INF2: variants seen among roughly 807,000 people sequenced by gnomAD.
The protein encoded by INF2 is inverted formin 2, also known as inverted formin-2.
In INF2, 43 loss-of-function variants were observed where a neutral mutation model predicts 123.5. The ratio of observed to expected loss-of-function variants is 0.35; its 90% CI spans 0.27 to 0.45. INF2 has a LOEUF of 0.45. Ranked by LOEUF, INF2 falls within the 20% of genes least tolerant of loss-of-function variation. The pLI, the probability that INF2 is intolerant of heterozygous loss-of-function variation, is 1.00. For missense variants in INF2, 1,453 were observed against 1,682.7 expected, an observed-to-expected ratio of 0.86 and a Z score of 2.39; for synonymous variants, 851 against 745.0, an observed-to-expected ratio of 1.14 and a Z score of -2.32.
In INF2 at chr14:104,701,306, G is replaced by A. The variant is rs1407473975; in HGVS notation, c.-9-51G>A. 2.6e-6 allele frequency: 4 copies of A among 1,530,502 alleles called. No individual in the cohort carries two copies. The Admixed American group carries it at 7.9e-5, about 30-fold the overall frequency. 94.8% of individuals were successfully genotyped at this position (1,530,502 alleles called of 1,614,324 possible). A position where few individuals can be genotyped will look rare whatever the true frequency, so the allele number is the denominator to read the frequency against. On this transcript the variant is annotated intron_variant, in intron 1 of 22. Coordinates refer to ENST00000392634, the MANE Select transcript of INF2 (RefSeq NM_022489.4). ...GCCCCGCCTGCGCTGGTGGCCAGGA[G>A]GACAGCCCCCATCCCCTCCCCGCTG...
In INF2 at chr14:104,691,534, C is replaced by G. The variant is rs538868833; in HGVS notation, c.-10+1795C>G. Among the ~76,000 whole-genome samples, 12 of 152,256 alleles carry G rather than the reference C, an allele frequency of 7.9e-5. No homozygotes were observed. The South Asian group carries it at 2.5e-3, about 32-fold the overall frequency. On this transcript the variant is annotated intron_variant, in intron 1 of 22. Coordinates refer to ENST00000392634, the MANE Select transcript of INF2 (RefSeq NM_022489.4). ...GTCTGATAGGTGTGTGGTTCATGGC[C>G]CAGTGGACACATTACATTGGAGAAG...
At chr14:104,712,304 G>A (rs1400693563) in intron 16 of INF2, 129 bp from the exon 17 acceptor site, 12 of 1,257,422 alleles carry the variant, frequency 9.5e-6, no homozygotes, top group African/African-American at 3.0e-5. Flanking sequence ...AACACTGCAC[G>A]TGCAGCCTCA....
In INF2 at chr14:104,706,998, T is replaced by C; in HGVS notation, c.932T>C (p.Leu311Pro). 1 of 1,597,042 alleles carries C rather than the reference T, an allele frequency of 6.3e-7. No individual in the cohort carries two copies. Among genetic ancestry groups the C allele is most frequent in the Non-Finnish European group, 8.5e-7 (1 of 1,178,164 alleles). ...LEPTLRSSQLLWEALESLVNR... is the reference protein window; with the variant it reads ...LEPTLRSSQLPWEALESLVNR... ...CCCACCCTCCGCTCCAGCCAGCTGC[T>C]CTGGGAGGCCCTGGAGAGCCTCGTG... The change falls in exon 7 of 23, where the codon CTC becomes CCC. Residue 311 changes from leucine to proline, a missense_variant. Leu to Pro is a moderately conservative substitution (Grantham distance 98). Coordinates refer to ENST00000392634, the MANE Select transcript of INF2 (RefSeq NM_022489.4).
rs1271047216 is a variant in INF2 at position 104,709,341 on chromosome 14, G to A, written c.2010G>A (p.Glu670=). The part of the protein sequence containing the change: ...RAGDTTKFDV[E]VLKQLLKLLP... ...GAGATACCACCAAGTTTGATGTGGA[G>A]GTTCTCAAACAACTCCTTAAGCTCC... The change falls in exon 11 of 23, where the codon GAG becomes GAA. Residue 670 remains glutamate, a synonymous_variant. Transcript: ENST00000392634. 4 of 1,613,140 alleles carry A rather than the reference G, an allele frequency of 2.5e-6. No individual in the cohort carries two copies. The highest frequency in any genetic ancestry group is 3.4e-6 in the Non-Finnish European group (4 of 1,179,830).
In INF2 at chr14:104,713,040, C is replaced by G. The variant is rs768558410; in HGVS notation, c.2775+48C>G. On this transcript the variant is annotated intron_variant, in intron 18 of 22. Coordinates refer to ENST00000392634, the MANE Select transcript of INF2 (RefSeq NM_022489.4). ...AGCCTGTCTGGCTAGAGTGGGGTCCCGAGGCCCCTGGCCTTCCTCCGGCAG... is the reference window on the plus strand; with the variant it reads ...AGCCTGTCTGGCTAGAGTGGGGTCCGGAGGCCCCTGGCCTTCCTCCGGCAG... The G allele has an allele frequency of 1.2e-5, 19 of 1,610,172 alleles. No homozygotes were observed. In the East Asian group the frequency reaches 4.2e-4, roughly 36 times the overall value.
chr14:104,708,754 C>A, intron 10 of INF2, 22 bp downstream of exon 10: 2 of 1,611,686 alleles, frequency 1.2e-6, no homozygotes, highest in Non-Finnish European at 1.7e-6. Context: ...AGGTAGCCCC[C>A]ATCCCAGGCC....
rs368993196 is a variant in INF2, at chr14:104,703,450, T to C, written c.663T>C (p.Phe221=). 1.9e-6 allele frequency: 3 copies of C among 1,611,732 alleles called. No individual in the cohort carries two copies. Among genetic ancestry groups the C allele is most frequent in the Non-Finnish European group, 2.5e-6 (3 of 1,179,880 alleles). Residue 221 remains phenylalanine (F), a synonymous_variant, in exon 4 of 23, where the codon TTT becomes TTC. Coordinates refer to ENST00000392634, the MANE Select transcript of INF2 (RefSeq NM_022489.4). ...LRARTQLRNE[F]IGLQLLDVLA... ...CGCGCACCCAGCTGCGGAACGAGTT[T>C]ATCGGTAAGCACCTGCCCTGGGCCG...
At chr14:104,718,129 T>C (rs560077327) in intron 22 of INF2, among the ~76,000 whole-genome samples, 38 of 152,256 alleles carry the variant, frequency 2.5e-4, no homozygotes, top group Non-Finnish European at 5.0e-4. Flanking sequence ...TTTTGGATAG[T>C]TTTTGTTTTC....
chr14:104,705,906 G>A, intron 5 of INF2, 129 bp from the exon 6 acceptor site: 1 of 1,163,364 alleles, frequency 8.6e-7, no homozygotes, highest in Non-Finnish European at 1.2e-6. Context: ...AGCCACAGCT[G>A]GCTATGGCCT....
At chr14:104,715,225 G>T (rs370101076) in intron 21 of INF2, 59 bp from the exon 22 acceptor site, 1 of 1,553,944 alleles carries the variant, frequency 6.4e-7, no homozygotes, top group African/African-American at 1.4e-5. Context: ...CACCCACTCC[G>T]AGTCAGGGTT....
intron 8 of INF2, 104 bp from the exon 9 acceptor site, chr14:104,708,332 G>C (rs1889882242): frequency 2.1e-6 from 3 of 1,442,926 alleles, no homozygotes; most frequent in Non-Finnish European, 1.9e-6. Context: ...CTGGGCCCCA[G>C]GCAGGACATC....
chr14:104,705,145 G>A (rs56121689), intron 5 of INF2, among the ~76,000 whole-genome samples: 40,429 of 152,104 alleles, frequency 0.27, 5,749 homozygotes, highest in African/African-American at 0.36. Flanking sequence ...GGCCAGGCGC[G>A]GTGGCTCACG....
intron 22 of INF2, among the ~76,000 whole-genome samples, chr14:104,716,416 G>A (rs894789325): frequency 4.6e-5 from 7 of 152,218 alleles, no homozygotes; most frequent in Non-Finnish European, 7.3e-5. Context: ...AAGCACCCAC[G>A]TGTACTTTTT....
chr14:104,694,599 A>G (rs554042226), intron 1 of INF2, among the ~76,000 whole-genome samples: 1 of 152,282 alleles, frequency 6.6e-6, no homozygotes, highest in East Asian at 1.9e-4. Flanking sequence ...TCCGCATTTG[A>G]GGACAGGAAC....
intron 22 of INF2, among the ~76,000 whole-genome samples, chr14:104,717,913 AC>A (rs899664534): frequency 3.3e-5 from 5 of 152,136 alleles, no homozygotes; most frequent in Non-Finnish European, 5.9e-5. Context: ...TGAGTTTTGA[AC>A]GTGCAGTAAT....
Position 104,710,073 on chromosome 14 carries a change from C to A in INF2, c.2139-15C>A. The A allele has an allele frequency of 6.5e-7, 1 of 1,545,954 alleles. No homozygotes were observed. Among genetic ancestry groups the A allele is most frequent in the Non-Finnish European group, 8.7e-7 (1 of 1,143,898 alleles). The stretch of plus-strand genomic sequence containing the variant: ...GGGGGTGCAGGCCACTGATCCCTGT[C>A]TGTGCCATCCCCAGCTACCAGCTGC... On this transcript the variant is annotated splice_polypyrimidine_tract_variant and intron_variant, in intron 12 of 22. Transcript: ENST00000392634.
At chr14:104,689,221 G>T (rs1888799405), upstream of INF2, 1 of 985,312 alleles carries the variant, frequency 1.0e-6, no homozygotes. Flanking sequence ...GCTGGAACGG[G>T]AGTCCCGGGC....
intron 22 of INF2, chr14:104,715,588 G>A: frequency 1.6e-6 from 1 of 607,860 alleles, no homozygotes; most frequent in African/African-American, 1.8e-5. Flanking sequence ...CTGGCCCCGG[G>A]CATGCGGGCC....
In INF2 at chr14:104,718,984, A is replaced by T. The variant is rs1161726226; in HGVS notation, c.*191A>T. Reference sequence around the variant, plus strand: ...TGTGGCTGGGAACCCGACAGGCACCAGTGCCCTGCCAGGCCTGGTGCCCTC... The same window carrying T: ...TGTGGCTGGGAACCCGACAGGCACCTGTGCCCTGCCAGGCCTGGTGCCCTC... On this transcript the variant is annotated 3_prime_UTR_variant, in exon 23 of 23. Coordinates refer to ENST00000392634, the MANE Select transcript of INF2 (RefSeq NM_022489.4). The T allele has an allele frequency of 2.2e-6, 3 of 1,360,186 alleles. No individual in the cohort carries two copies. In the East Asian group the frequency reaches 7.8e-5, roughly 35 times the overall value. 84.3% of individuals were successfully genotyped at this position (1,360,186 alleles called of 1,614,324 possible).
Sources: allele counts gnomAD v4.1 joint callset (sites outside exome capture counted in the v4.1 genomes callset), GRCh38; gene constraint gnomAD v4.1.1; transcripts MANE v1.5; gene names NCBI Gene and HGNC (gene_info 2026-07-23, HGNC 2026-07-21).